GRM7: variants seen among roughly 807,000 people sequenced by gnomAD.
GRM7 encodes glutamate metabotropic receptor 7, also known as metabotropic glutamate receptor 7.
Under a neutral mutation model 84.5 loss-of-function variants are expected in GRM7, and 35 were observed. The observed-to-expected ratio is 0.41, with a 90% CI of 0.32 to 0.55. GRM7 has a LOEUF of 0.55. GRM7 is among the 20% of genes least tolerant of loss of function. The pLI is 0.19. For missense variants in GRM7, 1,003 were observed against 1,194.6 expected, an observed-to-expected ratio of 0.84 and a Z score of 2.36; for synonymous variants, 487 against 455.1, an observed-to-expected ratio of 1.07 and a Z score of -0.89.
intron 2 of GRM7, among the ~76,000 whole-genome samples, chr3:7,276,201 ATATATATGTGTGTGTG>A (rs1326430533): frequency 1.0e-3 from 140 of 134,238 alleles, no homozygotes; most frequent in African/African-American, 3.5e-3. Context: ...TTATATATAT[ATATATATGTGTGTGTG>A]TGTGTGTGTG....
At chr3:7,662,710 G>T (rs1166246668) in intron 8 of GRM7, among the ~76,000 whole-genome samples, 4 of 152,206 alleles carry the variant, frequency 2.6e-5, no homozygotes, top group African/African-American at 4.8e-5. Context: ...AAAGCGTAAA[G>T]AGAAAACAAT....
chr3:7,650,012 G>A (rs1698851176), intron 8 of GRM7, among the ~76,000 whole-genome samples: 1 of 152,070 alleles, frequency 6.6e-6, no homozygotes, highest in Non-Finnish European at 1.5e-5. Flanking sequence ...ATTATAGGGT[G>A]ACTTATTTGT....
chr3:7,656,627 AG>A (rs1699213308), intron 8 of GRM7, among the ~76,000 whole-genome samples: 1 of 151,396 alleles, frequency 6.6e-6, no homozygotes, highest in African/African-American at 2.4e-5. Context: ...TTATGTCCCC[AG>A]GGGTAGGGAG....
chr3:7,536,827 T>C (rs1701262596), intron 7 of GRM7, among the ~76,000 whole-genome samples: 1 of 152,198 alleles, frequency 6.6e-6, no homozygotes, highest in Non-Finnish European at 1.5e-5. Context: ...CATGAGAGAA[T>C]TTGAGATAGA....
At chr3:7,298,319 G>T (rs1046484259) in intron 2 of GRM7, among the ~76,000 whole-genome samples, 1 of 152,016 alleles carries the variant, frequency 6.6e-6, no homozygotes, top group Admixed American at 6.6e-5. Flanking sequence ...TCTTTATTGT[G>T]GTTTACTTTT....
chr3:7,332,879 GC>G (rs1435088264), intron 4 of GRM7, among the ~76,000 whole-genome samples: 3 of 152,006 alleles, frequency 2.0e-5, no homozygotes. Flanking sequence ...TTTTCTACCA[GC>G]CCTGGTAGCT....
At chr3:7,428,577 G>T (rs954744710) in intron 5 of GRM7, among the ~76,000 whole-genome samples, 1 of 152,072 alleles carries the variant, frequency 6.6e-6, no homozygotes, top group Non-Finnish European at 1.5e-5. Flanking sequence ...TTGTGGTCCT[G>T]GTCTTGTCAC....
intron 4 of GRM7, among the ~76,000 whole-genome samples, chr3:7,412,340 T>C (rs1695976094): frequency 6.6e-6 from 1 of 152,128 alleles, no homozygotes; most frequent in Non-Finnish European, 1.5e-5. Flanking sequence ...GGAAGCGCCA[T>C]CAATATCTGT....
At chr3:6,917,168 A>T (rs528091996) in intron 1 of GRM7, among the ~76,000 whole-genome samples, 1 of 152,278 alleles carries the variant, frequency 6.6e-6, no homozygotes, top group East Asian at 1.9e-4. Context: ...GATTTGGGTG[A>T]GAATTTGGTA....
chr3:7,130,176 C>T (rs1693543799), intron 1 of GRM7, among the ~76,000 whole-genome samples: 1 of 152,102 alleles, frequency 6.6e-6, no homozygotes, highest in African/African-American at 2.4e-5. Flanking sequence ...CCCTTATAAC[C>T]TTGAGTCTAA....
chr3:7,302,221 C>A (rs1431654568), intron 3 of GRM7, among the ~76,000 whole-genome samples: 1 of 152,058 alleles, frequency 6.6e-6, no homozygotes, highest in Non-Finnish European at 1.5e-5. Flanking sequence ...GCAATTCCAG[C>A]ACTCAGAGAT....
At chr3:7,670,647 A>C (rs114039134) in intron 8 of GRM7, among the ~76,000 whole-genome samples, 485 of 1,194 alleles carry the variant, frequency 0.41, no homozygotes, top group African/African-American at 0.46. Flanking sequence ...GATTACTTTA[A>C]AATTTGGCAA....
At chr3:6,884,444 G>T (rs1422758179) in intron 1 of GRM7, 1 of 152,248 alleles carries the variant, frequency 6.6e-6, no homozygotes, top group Non-Finnish European at 1.5e-5. Flanking sequence ...AATATATTAG[G>T]ACAGTTTTAA....
chr3:7,536,666 T>A (rs1290798944), intron 7 of GRM7, among the ~76,000 whole-genome samples: 1 of 152,182 alleles, frequency 6.6e-6, no homozygotes, highest in Non-Finnish European at 1.5e-5. Context: ...GGCAGCCAAC[T>A]GCCATTGAGG....
At chr3:7,478,261 A>G (rs1698999490) in intron 7 of GRM7, among the ~76,000 whole-genome samples, 2 of 152,132 alleles carry the variant, frequency 1.3e-5, no homozygotes. Flanking sequence ...TGACCTGTTG[A>G]AAAACCGTAT....
At chr3:6,964,560 A>G (rs1693439437) in intron 1 of GRM7, among the ~76,000 whole-genome samples, 1 of 152,276 alleles carries the variant, frequency 6.6e-6, no homozygotes, top group African/African-American at 2.4e-5. Flanking sequence ...TGCCTTCATA[A>G]TATAAACGTG....
At chr3:7,427,979 A>C (rs958084689) in intron 5 of GRM7, among the ~76,000 whole-genome samples, 13 of 151,960 alleles carry the variant, frequency 8.6e-5, no homozygotes, top group African/African-American at 3.2e-4. Flanking sequence ...CAAACTGTCC[A>C]CCTGGGTTGA....
intron 9 of GRM7, among the ~76,000 whole-genome samples, chr3:7,693,970 A>G (rs571155822): frequency 5.5e-4 from 84 of 152,164 alleles, no homozygotes; most frequent in Non-Finnish European, 1.0e-3. Flanking sequence ...ACTGTGATCT[A>G]TTGTTCTACT....
intron 8 of GRM7, among the ~76,000 whole-genome samples, chr3:7,658,251 TTTAGAGCATACAGTA>T (rs1301148113): frequency 6.6e-6 from 1 of 152,212 alleles, no homozygotes; most frequent in Non-Finnish European, 1.5e-5. Context: ...TGCTAATGAA[TTTAGAGCATACAGTA>T]TTAAAACTCC....
Sources: allele counts gnomAD v4.1 joint callset (sites outside exome capture counted in the v4.1 genomes callset), GRCh38; gene constraint gnomAD v4.1.1; transcripts MANE v1.5; gene names NCBI Gene and HGNC (gene_info 2026-07-23, HGNC 2026-07-21).